IQCJ: variants seen among roughly 807,000 people sequenced by gnomAD.
IQCJ encodes the protein IQ domain-containing protein J.
Under a neutral mutation model 11.0 loss-of-function variants are expected in IQCJ, and 9 were observed. The observed-to-expected ratio is 0.82, with a 90% CI of 0.49 to 1.43. The LOEUF is 1.43. IQCJ is among the 40% of genes most tolerant of loss of function. The probability of loss-of-function intolerance (pLI) is 0.00; values close to 1 mark genes in which losing one functional copy is unlikely to be tolerated. For missense variants in IQCJ, 146 were observed against 133.2 expected, an observed-to-expected ratio of 1.10 and a Z score of -0.47; for synonymous variants, 55 against 51.3, an observed-to-expected ratio of 1.07 and a Z score of -0.31.
chr3:159,167,972 A>G (rs188910209), intron 1 of IQCJ, among the ~76,000 whole-genome samples: 6 of 152,260 alleles, frequency 3.9e-5, no homozygotes, highest in Middle Eastern at 3.4e-3. Context: ...CCGCAGAGGC[A>G]GGGAAGGTAA....
intron 1 of IQCJ, among the ~76,000 whole-genome samples, chr3:159,140,727 C>T (rs564705219): frequency 2.3e-3 from 347 of 152,286 alleles, no homozygotes; most frequent in Non-Finnish European, 4.0e-3. Context: ...ACTGCTCTGT[C>T]CCTCCATGTC....
At chr3:159,112,734 G>A (rs1158527828) in intron 1 of IQCJ, among the ~76,000 whole-genome samples, 2 of 152,100 alleles carry the variant, frequency 1.3e-5, no homozygotes, top group African/African-American at 4.8e-5. Context: ...CACAAACTGG[G>A]GTCCTCAGGG....
chr3:159,212,816 A>G (rs1725025856), intron 1 of IQCJ, among the ~76,000 whole-genome samples: 1 of 152,222 alleles, frequency 6.6e-6, no homozygotes, highest in Non-Finnish European at 1.5e-5. Flanking sequence ...CTTTTGTGGC[A>G]GAAGGCTGTG....
intron 1 of IQCJ, among the ~76,000 whole-genome samples, chr3:159,158,289 C>G (rs1721647790): frequency 6.6e-6 from 1 of 152,140 alleles, no homozygotes; most frequent in Non-Finnish European, 1.5e-5. Flanking sequence ...TATTAGAGGC[C>G]AGTGACAGCT....
At chr3:159,152,551 G>C (rs912760333) in intron 1 of IQCJ, among the ~76,000 whole-genome samples, 10 of 152,134 alleles carry the variant, frequency 6.6e-5, no homozygotes, top group African/African-American at 2.4e-4. Flanking sequence ...TGTGATTTTT[G>C]CCTCTCTGCA....
intron 1 of IQCJ, among the ~76,000 whole-genome samples, chr3:159,189,994 A>G (rs767176108): frequency 6.6e-6 from 1 of 152,120 alleles, no homozygotes; most frequent in African/African-American, 2.4e-5. Flanking sequence ...GAAAATATTC[A>G]CCCTTTGTCA....
chr3:159,260,470 G>A (rs540109138), intron 3 of IQCJ, among the ~76,000 whole-genome samples: 15 of 152,268 alleles, frequency 9.9e-5, no homozygotes, highest in Middle Eastern at 3.4e-3. Context: ...TGACGGGCAG[G>A]TTTAGAGACT....
chr3:159,207,060 C>T (rs973414513), intron 1 of IQCJ, among the ~76,000 whole-genome samples: 1 of 152,144 alleles, frequency 6.6e-6, no homozygotes, highest in African/African-American at 2.4e-5. Flanking sequence ...ATCTTGCCTT[C>T]CTTTAAGATT....
intron 1 of IQCJ, among the ~76,000 whole-genome samples, chr3:159,202,142 G>T (rs757365763): frequency 6.6e-6 from 1 of 152,132 alleles, no homozygotes; most frequent in African/African-American, 2.4e-5. Flanking sequence ...TTATCTGGGG[G>T]AGGGTGTCCA....
chr3:159,263,126 G>T lies in IQCJ; in HGVS notation c.*395G>T. ...GGGGTTGCAACTTAAATGTCTCCAG[G>T]GGCCAGGTAAGTCACCCTCATGACT... is the stretch of plus-strand genomic sequence containing the variant. On this transcript the variant is annotated 3_prime_UTR_variant, in exon 4 of 4. Coordinates refer to ENST00000397832, the MANE Select transcript of IQCJ (RefSeq NM_001042706.3). 6.3e-6 allele frequency: 6 copies of T among 957,952 alleles called. No homozygotes were observed. Among genetic ancestry groups the T allele is most frequent in the Non-Finnish European group, 6.2e-6 (5 of 803,460 alleles). 59.3% of individuals were successfully genotyped at this position (957,952 alleles called of 1,614,324 possible). A position where few individuals can be genotyped will look rare whatever the true frequency, so the allele number is the denominator to read the frequency against.
intron 1 of IQCJ, among the ~76,000 whole-genome samples, chr3:159,197,787 TG>T (rs1259005879): frequency 6.6e-6 from 1 of 151,754 alleles, no homozygotes; most frequent in Non-Finnish European, 1.5e-5. Flanking sequence ...GTAAGCACAT[TG>T]TTACCTTGTG....
chr3:159,090,791 G>A (rs574055479), intron 1 of IQCJ, among the ~76,000 whole-genome samples: 55 of 151,904 alleles, frequency 3.6e-4, no homozygotes, highest in Middle Eastern at 3.4e-3. Flanking sequence ...ACCTAGACTT[G>A]GGCTTCCCAC....
chr3:159,148,780 AT>A (rs901708016), intron 1 of IQCJ, among the ~76,000 whole-genome samples: 9 of 152,098 alleles, frequency 5.9e-5, no homozygotes, highest in East Asian at 1.9e-4. Flanking sequence ...TAAAAGATGG[AT>A]TTTTTTTAAC....
At chr3:159,241,045 G>C (rs1726888535) in intron 1 of IQCJ, among the ~76,000 whole-genome samples, 1 of 152,052 alleles carries the variant, frequency 6.6e-6, no homozygotes, top group African/African-American at 2.4e-5. Context: ...AACTTCTCAG[G>C]ATTCTTTTAC....
intron 1 of IQCJ, among the ~76,000 whole-genome samples, chr3:159,229,894 C>T (rs1188302366): frequency 1.7e-5 from 2 of 116,744 alleles, no homozygotes; most frequent in Non-Finnish European, 3.5e-5. Flanking sequence ...CTTGCCACCT[C>T]AACCACAGTT....
chr3:159,159,232 A>G (rs1249340404), intron 1 of IQCJ, among the ~76,000 whole-genome samples: 1 of 152,190 alleles, frequency 6.6e-6, no homozygotes, highest in Non-Finnish European at 1.5e-5. Context: ...GTAATTCAGG[A>G]CAGAGAGAAT....
At chr3:159,180,559 T>C (rs550059458) in intron 1 of IQCJ, among the ~76,000 whole-genome samples, 5 of 151,986 alleles carry the variant, frequency 3.3e-5, no homozygotes, top group East Asian at 1.9e-4. Context: ...AGATAGATGA[T>C]TGATAAATAG....
intron 1 of IQCJ, among the ~76,000 whole-genome samples, chr3:159,234,841 T>A (rs1455820650): frequency 6.6e-6 from 1 of 152,056 alleles, no homozygotes; most frequent in African/African-American, 2.4e-5. Context: ...CTTCACAACA[T>A]CACTTAGTAA....
intron 1 of IQCJ, among the ~76,000 whole-genome samples, chr3:159,101,161 C>T (rs1355611713): frequency 4.1e-5 from 6 of 146,748 alleles, no homozygotes; most frequent in East Asian, 4.2e-4. Flanking sequence ...CTTTCTTTGA[C>T]TCGGAAAGGG....
Sources: gnomAD v4.1 joint callset for allele counts (sites outside exome capture counted in the v4.1 genomes callset) on GRCh38, gnomAD v4.1.1 for gene constraint, MANE v1.5 for transcripts, NCBI Gene and HGNC (gene_info 2026-07-23, HGNC 2026-07-21) for gene names.